Variants in MYO9A observed in about 807,000 individuals in gnomAD.
MYO9A encodes unconventional myosin-IXa.
In MYO9A, 103 loss-of-function variants were observed where a neutral mutation model predicts 293.3. The observed-to-expected ratio is 0.35, with a 90% CI of 0.30 to 0.41. MYO9A has a LOEUF of 0.41. Among genes scored for constraint, MYO9A ranks in the 10% least tolerant of loss-of-function variants. The pLI, the probability that MYO9A is intolerant of heterozygous loss-of-function variation, is 1.00. For missense variants in MYO9A, 2,685 were observed against 3,033.0 expected (o/e 0.89, Z 2.69); for synonymous variants, 1,001 against 1,035.7 (o/e 0.97, Z 0.64).
chr15:71,874,501 G>A (rs1596080128), intron 32 of MYO9A, among the ~76,000 whole-genome samples: 1 of 152,328 alleles, frequency 6.6e-6, no homozygotes, highest in Middle Eastern at 3.4e-3. Flanking sequence ...TGTAGGCATG[G>A]TAAGAACTTT....
In MYO9A at chr15:71,823,093, C is replaced by G. The variant is rs1182238573; in HGVS notation, c.*3487G>C. 2 of 151,868 alleles carry G rather than the reference C, an allele frequency of 1.3e-5. No homozygotes were observed. Among genetic ancestry groups the G allele is most frequent in the Non-Finnish European group, 2.9e-5 (2 of 67,974 alleles). The allele number at this position is 151,868 out of a possible 1,614,324, so 9.4% of individuals were successfully genotyped here. The stretch of plus-strand genomic sequence containing the variant: ...TGCATGCCCCGCATCCAGCTTCCCA[C>G]CAAGAAGAAAAAAGAGAGGAGGATG... On this transcript the variant is annotated 3_prime_UTR_variant, in exon 42 of 42. Transcript: ENST00000356056.
Position 71,862,615 on chromosome 15 carries a change from A to G in MYO9A, c.5980-4T>C, listed in dbSNP as rs751817207. The G allele has an allele frequency of 6.3e-7, 1 of 1,593,166 alleles. No individual in the cohort carries two copies. Among genetic ancestry groups the G allele is most frequent in the Middle Eastern group, 1.7e-4 (1 of 6,022 alleles). ...TGTGACCATTGTGTTCTTCCACCTGAATGAAAAAATTTAGCTACTTATATT... is the reference window on the plus strand; with the variant it reads ...TGTGACCATTGTGTTCTTCCACCTGGATGAAAAAATTTAGCTACTTATATT... On this transcript the variant is annotated splice_polypyrimidine_tract_variant and splice_region_variant and intron_variant, in intron 32 of 41. Transcript: ENST00000356056.
At chr15:72,092,354 G>A (rs1252848936) in intron 1 of MYO9A, among the ~76,000 whole-genome samples, 5 of 152,210 alleles carry the variant, frequency 3.3e-5, no homozygotes, top group Non-Finnish European at 1.5e-5. Flanking sequence ...TGGGAGAAAG[G>A]AGAGTTCCTG....
At chr15:72,012,573 C>T (rs1318490844) in intron 6 of MYO9A, among the ~76,000 whole-genome samples, 2 of 152,154 alleles carry the variant, frequency 1.3e-5, no homozygotes, top group Non-Finnish European at 2.9e-5. Flanking sequence ...GCTGGGATTA[C>T]AGGAGTAAGC....
chr15:72,117,906 C>T lies in MYO9A; in HGVS notation c.-298G>A. On this transcript the variant is annotated 5_prime_UTR_variant, in exon 1 of 42. Transcript: ENST00000356056. Reference sequence around the variant, plus strand: ...CGCCCGGCCTGAGCAGGCACATCCCCCGCCGCACCCCGCCCAGAGAGCACG... The same window carrying T: ...CGCCCGGCCTGAGCAGGCACATCCCTCGCCGCACCCCGCCCAGAGAGCACG... The T allele has an allele frequency of 2.5e-6, 1 of 398,620 alleles. No individual in the cohort carries two copies. The highest frequency in any genetic ancestry group is 4.4e-6 in the Non-Finnish European group (1 of 225,998). The allele number at this position is 398,620 out of a possible 1,614,324, so 24.7% of individuals were successfully genotyped here.
intron 9 of MYO9A, 100 bp downstream of exon 9, chr15:71,999,751 G>T: frequency 1.3e-6 from 1 of 778,358 alleles, no homozygotes; most frequent in Non-Finnish European, 2.0e-6. Flanking sequence ...AAAACTTTTT[G>T]CCATTGTCAT....
At chr15:72,097,011 G>A (rs920054832) in intron 1 of MYO9A, among the ~76,000 whole-genome samples, 3 of 152,228 alleles carry the variant, frequency 2.0e-5, no homozygotes, top group Non-Finnish European at 2.9e-5. Context: ...GTGGTTTCTT[G>A]AGATAGAATC....
chr15:72,087,061 G>T (rs11853994), intron 1 of MYO9A, among the ~76,000 whole-genome samples: 2 of 152,064 alleles, frequency 1.3e-5, no homozygotes, highest in Non-Finnish European at 2.9e-5. Flanking sequence ...CCACCGCCCC[G>T]GCCCACAGGA....
At chr15:71,930,950 T>A (rs527263302) in intron 18 of MYO9A, among the ~76,000 whole-genome samples, 55 of 152,290 alleles carry the variant, frequency 3.6e-4, no homozygotes, top group Admixed American at 1.2e-3. Context: ...ATTGCATGCA[T>A]AAACCCTACA....
At chr15:72,080,129 C>T (rs2079494826) in intron 1 of MYO9A, among the ~76,000 whole-genome samples, 1 of 152,076 alleles carries the variant, frequency 6.6e-6, no homozygotes, top group African/African-American at 2.4e-5. Flanking sequence ...CACACTCCTC[C>T]CTGGTGTAGA....
At chr15:72,070,157 G>T (rs1190395071) in intron 1 of MYO9A, among the ~76,000 whole-genome samples, 4 of 147,484 alleles carry the variant, frequency 2.7e-5, no homozygotes, top group African/African-American at 1.0e-4. Flanking sequence ...AAGAATGAAC[G>T]TAGGCCCAGC....
intron 13 of MYO9A, 45 bp from the exon 14 acceptor site, chr15:71,960,141 A>G (rs755379321): frequency 6.5e-7 from 1 of 1,548,354 alleles, no homozygotes; most frequent in Non-Finnish European, 8.9e-7. Flanking sequence ...AAAAAAAATT[A>G]TGAAAAACAA....
At position 72,117,858 on chromosome 15, in the gene MYO9A, C is replaced by A; in HGVS notation, c.-250G>T. ...GTCCGGGCGAGCGGCCGCGGCGCATCCCCCGCCCTGTCAGAGAGACTCCGC... is the reference window on the plus strand; with the variant it reads ...GTCCGGGCGAGCGGCCGCGGCGCATACCCCGCCCTGTCAGAGAGACTCCGC... On this transcript the variant is annotated 5_prime_UTR_variant, in exon 1 of 42. Transcript: ENST00000356056. 2.5e-6 allele frequency: 1 copy of A among 398,548 alleles called. No individual in the cohort carries two copies. Among genetic ancestry groups the A allele is most frequent in the Non-Finnish European group, 4.4e-6 (1 of 225,858 alleles). The allele number at this position is 398,548 out of a possible 1,614,324, so 24.7% of individuals were successfully genotyped here. A position where few individuals can be genotyped will look rare whatever the true frequency, so the allele number is the denominator to read the frequency against.
chr15:71,917,842 GT>G (rs1315278972), intron 18 of MYO9A, among the ~76,000 whole-genome samples: 1 of 152,056 alleles, frequency 6.6e-6, no homozygotes, highest in African/African-American at 2.4e-5. Flanking sequence ...AAATTTTCAA[GT>G]CTAAAGGTAT....
intron 14 of MYO9A, among the ~76,000 whole-genome samples, chr15:71,952,160 A>C (rs1211669785): frequency 6.6e-6 from 1 of 152,176 alleles, no homozygotes; most frequent in African/African-American, 2.4e-5. Context: ...ACCATACTAG[A>C]AATTTCTCAA....
In MYO9A at chr15:71,828,039, A is replaced by G. The variant is rs757122818; in HGVS notation, c.7041-13T>C. 41 of 1,607,592 alleles carry G rather than the reference A, an allele frequency of 2.6e-5. No individual in the cohort carries two copies. The highest frequency in any genetic ancestry group is 3.4e-5 in the Non-Finnish European group (40 of 1,177,996). On this transcript the variant is annotated splice_polypyrimidine_tract_variant and intron_variant, in intron 40 of 41. Transcript: ENST00000356056. Reference sequence around the variant, plus strand: ...TGTTAGCTCCTCCCTGTAAGACACAATCAAGAAACCATTAGCATTTGATAG... The same window carrying G: ...TGTTAGCTCCTCCCTGTAAGACACAGTCAAGAAACCATTAGCATTTGATAG...
chr15:72,028,960 T>C (rs1273426118), intron 3 of MYO9A, among the ~76,000 whole-genome samples: 1 of 152,222 alleles, frequency 6.6e-6, no homozygotes, highest in Non-Finnish European at 1.5e-5. Context: ...GGAGATAATC[T>C]AGCAGCTATC....
chr15:71,884,990 T>TTATATATTTA (rs1377967674), intron 27 of MYO9A, among the ~76,000 whole-genome samples: 4 of 151,096 alleles, frequency 2.6e-5, no homozygotes, highest in Non-Finnish European at 5.9e-5. Flanking sequence ...AAAAAGCTTA[T>TTATATATTTA]TACTAAACTC....
chr15:72,082,365 G>T (rs1040358354), intron 1 of MYO9A, among the ~76,000 whole-genome samples: 1 of 152,144 alleles, frequency 6.6e-6, no homozygotes, highest in Non-Finnish European at 1.5e-5. Flanking sequence ...AGTGATTTCT[G>T]TATGTTGGTT....
Sources: allele counts gnomAD v4.1 joint callset (sites outside exome capture counted in the v4.1 genomes callset), GRCh38; gene constraint gnomAD v4.1.1; transcripts MANE v1.5; gene names NCBI Gene and HGNC (gene_info 2026-07-23, HGNC 2026-07-21).